STAT4: variants seen among roughly 807,000 people sequenced by gnomAD.
STAT4 encodes the protein signal transducer and activator of transcription 4.
STAT4 carries 42 observed loss-of-function variants against 110.5 expected under a neutral mutation model. The observed-to-expected ratio is 0.38, with a 90% CI of 0.30 to 0.49. STAT4 has a LOEUF of 0.49. STAT4 is among the 20% of genes least tolerant of loss of function. The probability of loss-of-function intolerance (pLI) is 0.95; values close to 1 mark genes in which losing one functional copy is unlikely to be tolerated. For synonymous variants in STAT4, 284 were observed against 302.2 expected (o/e 0.94, Z 0.63); for missense variants, 632 against 887.9 (o/e 0.71, Z 3.66).
rs747175802 is a variant in STAT4 at position 191,117,633 on chromosome 2, G to T, written c.273+28980C>A. Among the ~76,000 whole-genome samples the T allele has an allele frequency of 3.2e-4, 49 of 152,308 alleles. No individual in the cohort carries two copies. The highest frequency in any genetic ancestry group is 1.2e-3 in the South Asian group (6 of 4,828). ...AGAAGGACATGGGCTGCAACTTGAAGGATGGTTGGGGGAGTAGGAAATTGC... is the reference window on the plus strand; with the variant it reads ...AGAAGGACATGGGCTGCAACTTGAATGATGGTTGGGGGAGTAGGAAATTGC... On this transcript the variant is annotated intron_variant, in intron 3 of 23. Coordinates refer to ENST00000392320, the MANE Select transcript of STAT4 (RefSeq NM_003151.4). This position sits in a 1 kb window ranked among gnomAD's most constrained non-coding sequence, Gnocchi z 5.2.
Position 191,058,794 on chromosome 2 carries a change from A to T in STAT4, c.1035-25T>A. The T allele has an allele frequency of 6.9e-7, 1 of 1,440,766 alleles. No individual in the cohort carries two copies. Among genetic ancestry groups the T allele is most frequent in the Non-Finnish European group, 9.6e-7 (1 of 1,044,056 alleles). 89.2% of individuals were successfully genotyped at this position (1,440,766 alleles called of 1,614,324 possible). On this transcript the variant is annotated intron_variant, in intron 10 of 23. Transcript: ENST00000392320. The surrounding 1 kb of genome is among the most constrained non-coding windows in gnomAD (Gnocchi z 4.3). ...CCTGGAAAGAGATATCAATAAAAAAAATCAAAGATAAAAATTAAAAGTGTT... is the reference window on the plus strand; with the variant it reads ...CCTGGAAAGAGATATCAATAAAAAATATCAAAGATAAAAATTAAAAGTGTT...
chr2:191,127,319 T>C (rs1403322779), intron 3 of STAT4, among the ~76,000 whole-genome samples: 3 of 152,180 alleles, frequency 2.0e-5, no homozygotes, highest in Non-Finnish European at 4.4e-5. Flanking sequence ...GTGCCTCGCT[T>C]GTTTGTGAGA....
At chr2:191,148,029 T>C (rs1168250401) in intron 2 of STAT4, 47 bp downstream of exon 2, 1 of 1,611,516 alleles carries the variant, frequency 6.2e-7, no homozygotes, top group East Asian at 2.2e-5. Context: ...GGATAGAGCA[T>C]CAGACATTTG....
chr2:191,115,076 G>GA (rs1233647636), intron 3 of STAT4, among the ~76,000 whole-genome samples: 8 of 152,110 alleles, frequency 5.3e-5, no homozygotes, highest in African/African-American at 7.2e-5. Flanking sequence ...TTTATAAACA[G>GA]AAAAAAGTAT....
At position 191,043,677 on chromosome 2, in the gene STAT4, T is replaced by C. The variant is rs1260969756; in HGVS notation, c.1252-2529A>G. 6.6e-6 allele frequency among the ~76,000 whole-genome samples: 1 copy of C among 152,082 alleles called. No individual in the cohort carries two copies. The highest frequency in any genetic ancestry group is 2.4e-5 in the African/African-American group (1 of 41,410). ...GAAGAATGTTTATAGTAGAACTGCTTAGAATGCTAAAATGATTCATCAATA... is the reference window on the plus strand; with the variant it reads ...GAAGAATGTTTATAGTAGAACTGCTCAGAATGCTAAAATGATTCATCAATA... On this transcript the variant is annotated intron_variant, in intron 14 of 23. Transcript: ENST00000392320. This position sits in a 1 kb window ranked among gnomAD's most constrained non-coding sequence, Gnocchi z 4.8.
At position 191,033,791 on chromosome 2, in the gene STAT4, T is replaced by TTGCAA; in HGVS notation, c.1715+115_1715+119dup. The TTGCAA allele has an allele frequency of 7.5e-7, 1 of 1,327,888 alleles. No individual in the cohort carries two copies. The highest frequency in any genetic ancestry group is 1.5e-5 in the South Asian group (1 of 68,022). The allele number at this position is 1,327,888 out of a possible 1,614,324, so 82.3% of individuals were successfully genotyped here. A position where few individuals can be genotyped will look rare whatever the true frequency, so the allele number is the denominator to read the frequency against. On this transcript the variant is annotated intron_variant, in intron 19 of 23. Transcript: ENST00000392320. This position sits in a 1 kb window ranked among gnomAD's most constrained non-coding sequence, Gnocchi z 6.9. ...GTGCCACTCCACAAAGAATAAGAAA[T>TTGCAA]TGCAACTATTTTTTTCTGTGGTACT...
chr2:191,120,425 A>G (rs1418707278), intron 3 of STAT4, among the ~76,000 whole-genome samples: 2 of 152,188 alleles, frequency 1.3e-5, no homozygotes, highest in Non-Finnish European at 2.9e-5. Context: ...AAAAATAGAA[A>G]AATAAAAAAA....
chr2:191,039,568 A>C lies in STAT4; in HGVS notation c.1336-271T>G, dbSNP rs868730606. Reference sequence around the variant, plus strand: ...GTATCTCCCCTGACATTGCGGACACATTTATACTTTTTAAATGTCACCCAC... The same window carrying C: ...GTATCTCCCCTGACATTGCGGACACCTTTATACTTTTTAAATGTCACCCAC... On this transcript the variant is annotated intron_variant, in intron 15 of 23. Coordinates refer to ENST00000392320, the MANE Select transcript of STAT4 (RefSeq NM_003151.4). This position sits in a 1 kb window ranked among gnomAD's most constrained non-coding sequence, Gnocchi z 4.7. 6.6e-6 allele frequency among the ~76,000 whole-genome samples: 1 copy of C among 152,208 alleles called. No individual in the cohort carries two copies. The highest frequency in any genetic ancestry group is 1.5e-5 in the Non-Finnish European group (1 of 68,042).
intron 16 of STAT4, among the ~76,000 whole-genome samples, 190 bp from the exon 17 acceptor site, chr2:191,036,489 C>T (rs1408927614): frequency 6.6e-6 from 1 of 152,148 alleles, no homozygotes; most frequent in African/African-American, 2.4e-5. Context: ...TGCCAGGGAA[C>T]AAGCGTGTCC....
intron 3 of STAT4, among the ~76,000 whole-genome samples, chr2:191,119,038 T>G (rs1698647800): frequency 6.6e-6 from 1 of 152,224 alleles, no homozygotes; most frequent in Admixed American, 6.5e-5. Flanking sequence ...AGTGCTGGGA[T>G]GACAGGTTTG....
At chr2:191,102,477 TACA>T (rs1023893028) in intron 3 of STAT4, among the ~76,000 whole-genome samples, 2 of 152,176 alleles carry the variant, frequency 1.3e-5, no homozygotes. Context: ...ACCTTGTTTT[TACA>T]ACAACTGCCA....
rs3024859 is a variant in STAT4, at chr2:191,060,698, C to T, written c.1034+1031G>A. 0.2 allele frequency among the ~76,000 whole-genome samples: 30,919 copies of T among 152,122 alleles called. 3,372 individuals carry two copies. Among genetic ancestry groups the T allele is most frequent in the East Asian group, 0.34 (1,743 of 5,188 alleles). Reference sequence around the variant, plus strand: ...GCTCCCAAAGTGCTGGGATTATAGGCGTGAGCCACCATGCCTGGCCAACAG... The same window carrying T: ...GCTCCCAAAGTGCTGGGATTATAGGTGTGAGCCACCATGCCTGGCCAACAG... On this transcript the variant is annotated intron_variant, in intron 10 of 23. Transcript: ENST00000392320. The surrounding 1 kb of genome is among the most constrained non-coding windows in gnomAD (Gnocchi z 4.5).
intron 3 of STAT4, among the ~76,000 whole-genome samples, chr2:191,088,578 C>T (rs188632871): frequency 5.9e-5 from 9 of 152,186 alleles, no homozygotes; most frequent in Middle Eastern, 3.4e-3. Context: ...TGGATAATGA[C>T]TAATTTTAAA....
intron 3 of STAT4, among the ~76,000 whole-genome samples, chr2:191,102,181 C>G (rs1337377469): frequency 6.6e-6 from 1 of 152,062 alleles, no homozygotes; most frequent in Admixed American, 6.6e-5. Context: ...TAAATAACTC[C>G]CACATGCTTA....
rs921999501 is a variant in STAT4, at chr2:191,144,242, TA to T, written c.273+2370del. ...GAAAGGGACAGAAGGAGATGCTGCT[TA>T]CCTTGTAGTTGTTGCTGGAGGGCTG... is the stretch of plus-strand genomic sequence containing the variant. On this transcript the variant is annotated intron_variant, in intron 3 of 23. Transcript: ENST00000392320. The surrounding 1 kb of genome is among the most constrained non-coding windows in gnomAD (Gnocchi z 4.7). 2.8e-4 allele frequency among the ~76,000 whole-genome samples: 42 copies of T among 152,152 alleles called. No homozygotes were observed. The highest frequency in any genetic ancestry group is 9.2e-4 in the African/African-American group (38 of 41,428).
At chr2:191,088,209 A>G (rs912769501) in intron 3 of STAT4, among the ~76,000 whole-genome samples, 4 of 152,198 alleles carry the variant, frequency 2.6e-5, no homozygotes, top group Non-Finnish European at 5.9e-5. Flanking sequence ...CTAATAAGCC[A>G]TTAGAGTAAG....
Position 191,083,427 on chromosome 2 carries a change from T to C in STAT4, c.274-7102A>G, listed in dbSNP as rs1036872466. On this transcript the variant is annotated intron_variant, in intron 3 of 23. Transcript: ENST00000392320. This position sits in a 1 kb window ranked among gnomAD's most constrained non-coding sequence, Gnocchi z 4.6. ...GGATACTGGCCGTTGGATTTCTACT[T>C]GACTAAACTAAAATGATAAGGCCAA... Among the ~76,000 whole-genome samples the C allele has an allele frequency of 6.6e-6, 1 of 152,190 alleles. No homozygotes were observed. Among genetic ancestry groups the C allele is most frequent in the African/African-American group, 2.4e-5 (1 of 41,448 alleles).
rs1698493643 is a variant in STAT4 at position 191,113,822 on chromosome 2, G to A, written c.273+32791C>T. 1.3e-5 allele frequency among the ~76,000 whole-genome samples: 2 copies of A among 152,148 alleles called. No individual in the cohort carries two copies. The highest frequency in any genetic ancestry group is 4.1e-4 in the South Asian group (2 of 4,836). ...TGTACAGGGAGTACTCCCAAGAGTA[G>A]CAGAGAACATTACAGAAATGTTACA... On this transcript the variant is annotated intron_variant, in intron 3 of 23. Transcript: ENST00000392320. This position sits in a 1 kb window ranked among gnomAD's most constrained non-coding sequence, Gnocchi z 4.8.
chr2:191,038,227 T>C (rs1385099055), intron 16 of STAT4, among the ~76,000 whole-genome samples: 1 of 152,112 alleles, frequency 6.6e-6, no homozygotes, highest in East Asian at 1.9e-4. Context: ...GATCAGGCGA[T>C]TTCTCTGGTA....
Sources: allele counts gnomAD v4.1 joint callset (sites outside exome capture counted in the v4.1 genomes callset), GRCh38; gene constraint gnomAD v4.1.1; non-coding constraint Gnocchi (gnomAD v3.1); transcripts MANE v1.5; gene names NCBI Gene and HGNC (gene_info 2026-07-23, HGNC 2026-07-21).